Variants in RALYL observed in about 807,000 individuals in gnomAD.
RALYL encodes RNA-binding Raly-like protein.
In RALYL, 29 loss-of-function variants were observed where a neutral mutation model predicts 35.1. The observed-to-expected ratio is 0.83, with a 90% CI of 0.61 to 1.13. RALYL has a LOEUF of 1.13. Among genes scored for constraint, RALYL ranks in the 50% most tolerant of loss-of-function variants. The probability of loss-of-function intolerance (pLI) is 0.00; values close to 1 mark genes in which losing one functional copy is unlikely to be tolerated. For synonymous variants in RALYL, 120 were observed against 127.6 expected (o/e 0.94, Z 0.40); for missense variants, 359 against 360.4 (o/e 1.00, Z 0.03).
At chr8:84,370,212 A>G (rs1302359198) in intron 1 of RALYL, among the ~76,000 whole-genome samples, 1 of 152,130 alleles carries the variant, frequency 6.6e-6, no homozygotes, top group African/African-American at 2.4e-5. Context: ...GCTGTAAAAG[A>G]CAATAAATAT....
At chr8:84,841,768 C>T (rs903952360) in intron 4 of RALYL, among the ~76,000 whole-genome samples, 20 of 152,350 alleles carry the variant, frequency 1.3e-4, no homozygotes, top group African/African-American at 4.8e-4. Flanking sequence ...AACAAACTAT[C>T]TCTCAGACCA....
intron 1 of RALYL, among the ~76,000 whole-genome samples, chr8:84,433,845 A>ATGTTTGTG (rs1667644391): frequency 2.8e-5 from 1 of 35,930 alleles, no homozygotes; most frequent in Non-Finnish European, 5.2e-5. Flanking sequence ...GTGTGTGTGT[A>ATGTTTGTG]TATATATATA....
At chr8:84,792,476 G>A (rs1821019959) in intron 3 of RALYL, among the ~76,000 whole-genome samples, 1 of 152,196 alleles carries the variant, frequency 6.6e-6, no homozygotes, top group Non-Finnish European at 1.5e-5. Flanking sequence ...GGAGCTGGTG[G>A]TTTGGAGTTT....
chr8:84,583,772 G>T (rs753930440), intron 2 of RALYL, among the ~76,000 whole-genome samples: 5 of 152,064 alleles, frequency 3.3e-5, no homozygotes, highest in Non-Finnish European at 5.9e-5. Context: ...CTGCTAGGAG[G>T]CTAAGGTATC....
intron 1 of RALYL, among the ~76,000 whole-genome samples, chr8:84,434,595 C>T (rs536456937): frequency 2.5e-4 from 38 of 152,174 alleles, no homozygotes; most frequent in South Asian, 1.2e-3. Flanking sequence ...GGATAGATAA[C>T]GTTTTTCTTT....
At chr8:84,720,356 A>G (rs1843664039) in intron 2 of RALYL, among the ~76,000 whole-genome samples, 1 of 152,174 alleles carries the variant, frequency 6.6e-6, no homozygotes, top group Non-Finnish European at 1.5e-5. Context: ...CTGTATACTT[A>G]CAGCCAACTG....
At chr8:84,539,887 T>TGA (rs2059903234) in intron 2 of RALYL, among the ~76,000 whole-genome samples, 3 of 38,120 alleles carry the variant, frequency 7.9e-5, no homozygotes, top group African/African-American at 2.2e-4. Flanking sequence ...TGTATATATA[T>TGA]GTGTGTGTGT....
chr8:84,427,168 C>G (rs2046581092), intron 1 of RALYL, among the ~76,000 whole-genome samples: 1 of 152,194 alleles, frequency 6.6e-6, no homozygotes, highest in Non-Finnish European at 1.5e-5. Context: ...TGGAAACTAG[C>G]AAGTGTGTGC....
intron 1 of RALYL, among the ~76,000 whole-genome samples, chr8:84,516,647 G>C (rs968123080): frequency 2.0e-5 from 3 of 152,084 alleles, no homozygotes; most frequent in African/African-American, 7.2e-5. Flanking sequence ...ATATAAGCAG[G>C]AGACTTCACA....
intron 1 of RALYL, among the ~76,000 whole-genome samples, chr8:84,392,902 C>A (rs1420193460): frequency 1.3e-5 from 2 of 151,964 alleles, no homozygotes; most frequent in Non-Finnish European, 1.5e-5. Flanking sequence ...ATAATAAAAT[C>A]TCAAATTTCA....
intron 1 of RALYL, among the ~76,000 whole-genome samples, chr8:84,427,051 G>A (rs578238901): frequency 6.6e-6 from 1 of 152,272 alleles, no homozygotes; most frequent in South Asian, 2.1e-4. Context: ...AACAACTCAT[G>A]GATGAACAGA....
intron 1 of RALYL, among the ~76,000 whole-genome samples, chr8:84,327,564 G>T (rs961493692): frequency 1.3e-5 from 2 of 152,112 alleles, no homozygotes; most frequent in Non-Finnish European, 2.9e-5. Context: ...ATCACATCCA[G>T]TTGTTTACCT....
chr8:84,611,207 A>G (rs1362384975), intron 2 of RALYL, among the ~76,000 whole-genome samples: 1 of 152,154 alleles, frequency 6.6e-6, no homozygotes, highest in African/African-American at 2.4e-5. Flanking sequence ...TTTTATTCAC[A>G]TAACTTTTTC....
chr8:84,366,060 C>A (rs548682891), intron 1 of RALYL, among the ~76,000 whole-genome samples: 1 of 152,170 alleles, frequency 6.6e-6, no homozygotes, highest in Non-Finnish European at 1.5e-5. Context: ...ATGATATCAT[C>A]CAGTTGTTTA....
chr8:84,623,678 G>T (rs915245076), intron 2 of RALYL, among the ~76,000 whole-genome samples: 30 of 152,170 alleles, frequency 2.0e-4, no homozygotes, highest in African/African-American at 7.2e-4. Context: ...TCTCTAAATA[G>T]GAGCAGGAAA....
chr8:84,805,871 A>T (rs1032727233), intron 4 of RALYL, among the ~76,000 whole-genome samples: 1 of 152,172 alleles, frequency 6.6e-6, no homozygotes, highest in Non-Finnish European at 1.5e-5. Flanking sequence ...TATAGATGAT[A>T]TTGTATGAAA....
chr8:84,472,319 A>G (rs2052873674), intron 1 of RALYL, among the ~76,000 whole-genome samples: 1 of 152,178 alleles, frequency 6.6e-6, no homozygotes, highest in Admixed American at 6.5e-5. Context: ...AATACAGGAC[A>G]AAAAGAGGAT....
intron 2 of RALYL, among the ~76,000 whole-genome samples, chr8:84,564,278 G>A (rs551581668): frequency 3.3e-5 from 5 of 151,678 alleles, no homozygotes; most frequent in Admixed American, 1.3e-4. Flanking sequence ...AAGTTATTAT[G>A]TATCCTTAGC....
intron 2 of RALYL, among the ~76,000 whole-genome samples, chr8:84,684,579 AACACTATCTGTGTTCAAAGAACT>A (rs1187371290): frequency 2.6e-5 from 4 of 152,220 alleles, no homozygotes; most frequent in Non-Finnish European, 4.4e-5. Flanking sequence ...TTGATGAGAA[AACACTATCTGTGTTCAAAGAACT>A]ACAAAGAAGT....
Sources: gnomAD v4.1 joint callset for allele counts (sites outside exome capture counted in the v4.1 genomes callset) on GRCh38, gnomAD v4.1.1 for gene constraint, MANE v1.5 for transcripts, NCBI Gene and HGNC (gene_info 2026-07-23, HGNC 2026-07-21) for gene names.